Variants in PHACTR1 observed in about 807,000 individuals in gnomAD.
The protein encoded by PHACTR1 is RPEL repeat containing 1.
PHACTR1 carries 16 observed loss-of-function variants against 69.2 expected under a neutral mutation model. The observed-to-expected ratio is 0.23, with a 90% CI of 0.16 to 0.35. The LOEUF is 0.35. PHACTR1 is among the 10% of genes least tolerant of loss of function. PHACTR1 has a pLI of 1.00. For missense variants in PHACTR1, 510 were observed against 734.7 expected, an observed-to-expected ratio of 0.69 and a Z score of 3.54; for synonymous variants, 312 against 284.5, an observed-to-expected ratio of 1.10 and a Z score of -0.97.
At chr6:13,239,546 G>C (rs532708778) in intron 10 of PHACTR1, among the ~76,000 whole-genome samples, 1 of 152,296 alleles carries the variant, frequency 6.6e-6, no homozygotes, top group East Asian at 1.9e-4. Context: ...AGGTGAGAAA[G>C]CTGTCTGGAT....
At chr6:13,073,462 GC>G (rs1364987822) in intron 5 of PHACTR1, among the ~76,000 whole-genome samples, 2 of 145,048 alleles carry the variant, frequency 1.4e-5, no homozygotes, top group Admixed American at 1.5e-4. Context: ...TTCTGCCTTA[GC>G]CTCCCAAGTA....
intron 4 of PHACTR1, among the ~76,000 whole-genome samples, chr6:12,974,238 A>G (rs1045659721): frequency 1.3e-5 from 2 of 151,930 alleles, no homozygotes; most frequent in Admixed American, 1.3e-4. Flanking sequence ...GAGATTTTTT[A>G]AGCTCCTTTT....
At chr6:12,921,141 A>G (rs1787608099) in intron 4 of PHACTR1, among the ~76,000 whole-genome samples, 2 of 152,188 alleles carry the variant, frequency 1.3e-5, no homozygotes, top group South Asian at 4.1e-4. Flanking sequence ...GCACCTCCTT[A>G]AACCAAGCAC....
intron 8 of PHACTR1, among the ~76,000 whole-genome samples, chr6:13,210,251 G>C (rs1183445101): frequency 6.6e-6 from 1 of 152,142 alleles, no homozygotes; most frequent in Non-Finnish European, 1.5e-5. Context: ...ATAGTCTAAA[G>C]TGATCATCCT....
At chr6:13,107,837 ATTTTTCTTTC>A (rs1816418174) in intron 5 of PHACTR1, among the ~76,000 whole-genome samples, 2 of 151,588 alleles carry the variant, frequency 1.3e-5, no homozygotes, top group Admixed American at 1.3e-4. Context: ...AGTTTCATTC[ATTTTTCTTTC>A]TAGAAAGAAA....
At chr6:13,162,275 T>TTTGTTTG (rs78580947) in intron 6 of PHACTR1, among the ~76,000 whole-genome samples, 5 of 149,730 alleles carry the variant, frequency 3.3e-5, no homozygotes, top group Admixed American at 1.3e-4. Context: ...ACTTTTGTTT[T>TTTGTTTG]TTTGTTTGTT....
At chr6:12,979,204 G>A (rs984257740) in intron 4 of PHACTR1, among the ~76,000 whole-genome samples, 5 of 152,184 alleles carry the variant, frequency 3.3e-5, no homozygotes, top group African/African-American at 4.8e-5. Flanking sequence ...TGGAGGAGGC[G>A]GAAGAGTGAA....
In PHACTR1 at chr6:13,286,146, G is replaced by A. The variant is rs1781658809; in HGVS notation, c.1651G>A (p.Ala551Thr). The change falls in exon 14 of 15, where the codon GCT (alanine) becomes ACT (threonine). Residue 551 changes from alanine to threonine, a missense_variant and splice_region_variant. Physicochemically the swap from Ala to Thr is moderately conservative, Grantham distance 58. This residue lies in a region of PHACTR1 where 91 missense variants were observed against 203.8 expected (regional missense o/e 0.45). Transcript: ENST00000332995. ...ATTGATGGGCTTCTGTTGATTCCAG[G>A]CTGCCATCCGAAAGGAGCTCAATGA... ...PWTRLTAADKAAIRKELNEFK... is the reference protein window; with the variant it reads ...PWTRLTAADKTAIRKELNEFK... 6.2e-7 allele frequency: 1 copy of A among 1,600,792 alleles called. No individual in the cohort carries two copies.
chr6:13,263,874 GCTTT>G (rs1257028807), intron 10 of PHACTR1, among the ~76,000 whole-genome samples: 1 of 152,160 alleles, frequency 6.6e-6, no homozygotes, highest in Admixed American at 6.5e-5. Context: ...CTGCTGCTCA[GCTTT>G]CTATGTTAAC....
intron 8 of PHACTR1, among the ~76,000 whole-genome samples, chr6:13,222,311 T>C (rs1296669496): frequency 6.6e-6 from 1 of 152,220 alleles, no homozygotes; most frequent in Non-Finnish European, 1.5e-5. Flanking sequence ...CTGAGTGTCA[T>C]TCAGTAAATC....
chr6:12,817,393 G>T (rs1775707877), intron 4 of PHACTR1, among the ~76,000 whole-genome samples: 1 of 152,130 alleles, frequency 6.6e-6, no homozygotes, highest in Non-Finnish European at 1.5e-5. Flanking sequence ...ATAATAAATG[G>T]CTTGGGAAAC....
chr6:13,034,440 A>AT (rs1470350179), intron 4 of PHACTR1, among the ~76,000 whole-genome samples: 1 of 152,116 alleles, frequency 6.6e-6, no homozygotes. Context: ...CTTAATATAG[A>AT]TTTTTCCCCT....
At chr6:12,927,517 G>A (rs1398577182) in intron 4 of PHACTR1, among the ~76,000 whole-genome samples, 4 of 152,292 alleles carry the variant, frequency 2.6e-5, no homozygotes, top group Non-Finnish European at 2.9e-5. Context: ...TATCAAGAAG[G>A]TACTATTAGT....
At chr6:13,122,301 A>G (rs369053526) in intron 5 of PHACTR1, among the ~76,000 whole-genome samples, 7 of 152,204 alleles carry the variant, frequency 4.6e-5, no homozygotes, top group East Asian at 3.8e-4. Context: ...ATAACCTGCT[A>G]CTGATTGATT....
chr6:13,212,527 T>C (rs1767011614), intron 8 of PHACTR1, among the ~76,000 whole-genome samples: 1 of 152,202 alleles, frequency 6.6e-6, no homozygotes, highest in Non-Finnish European at 1.5e-5. Flanking sequence ...CTCTATATTC[T>C]GTCTTTAATG....
chr6:12,762,626 G>A (rs1291412006), intron 4 of PHACTR1, among the ~76,000 whole-genome samples: 5 of 152,040 alleles, frequency 3.3e-5, no homozygotes, highest in Non-Finnish European at 5.9e-5. Flanking sequence ...TGAAATCTTA[G>A]CCAAAGATGG....
intron 4 of PHACTR1, among the ~76,000 whole-genome samples, chr6:12,920,766 C>G (rs1170396342): frequency 4.6e-5 from 7 of 152,186 alleles, no homozygotes; most frequent in African/African-American, 1.7e-4. Flanking sequence ...AAGAAAGTAG[C>G]TGTAAGAAGG....
At chr6:12,909,387 T>A (rs181698001) in intron 4 of PHACTR1, among the ~76,000 whole-genome samples, 2 of 152,366 alleles carry the variant, frequency 1.3e-5, no homozygotes, top group African/African-American at 4.8e-5. Context: ...TATTAGGAAC[T>A]ATTGTCATAA....
intron 5 of PHACTR1, among the ~76,000 whole-genome samples, chr6:13,150,498 A>T (rs1824137503): frequency 6.6e-6 from 1 of 152,182 alleles, no homozygotes; most frequent in Non-Finnish European, 1.5e-5. Context: ...AGGTAGTGAA[A>T]GACCCAATAT....
Sources: gnomAD v4.1 joint callset for allele counts (sites outside exome capture counted in the v4.1 genomes callset) on GRCh38, gnomAD v4.1.1 for gene constraint, gnomAD v4.1.1 regional missense constraint, MANE v1.5 for transcripts, NCBI Gene and HGNC (gene_info 2026-07-23, HGNC 2026-07-21) for gene names.